Variants in MDM4 observed in about 807,000 individuals in gnomAD.
The protein encoded by MDM4 is protein Mdm4.
A neutral mutation model predicts 60.2 loss-of-function variants in MDM4; 2 were observed. The observed-to-expected ratio is 0.03, with a 90% CI of 0.01 to 0.10. The LOEUF is 0.10. MDM4 is among the 10% of genes least tolerant of loss of function. The pLI is 1.00. For synonymous variants in MDM4, 202 were observed against 198.1 expected (o/e 1.02, Z -0.17); for missense variants, 447 against 577.5 (o/e 0.77, Z 2.32).
intron 5 of MDM4, chr1:204,532,878 T>C: frequency 6.4e-7 from 1 of 1,573,412 alleles, no homozygotes; most frequent in South Asian, 1.2e-5. Flanking sequence ...GGTAAACTGG[T>C]AGTGCTTGAA....
At chr1:204,531,643 AAC>A (rs1289117246) in intron 4 of MDM4, among the ~76,000 whole-genome samples, 1 of 152,062 alleles carries the variant, frequency 6.6e-6, no homozygotes, top group Non-Finnish European at 1.5e-5. Context: ...CAGCCTGGCC[AAC>A]ATAAGTGAAA....
rs56047802 is a variant in MDM4, at chr1:204,551,461, C to CTTT, written c.*1806_*1808dup. 1.5e-3 allele frequency: 139 copies of CTTT among 91,462 alleles called. 10 individuals carry two copies. The highest frequency in any genetic ancestry group is 6.9e-3 in the African/African-American group (95 of 13,806). 5.7% of individuals were successfully genotyped at this position (91,462 alleles called of 1,614,324 possible). ...ATACTGGATGGTTGAGAGGCAGCCT[C>CTTT]TTTTTTTTTTTTTTTTTTTTTTTTT... On this transcript the variant is annotated 3_prime_UTR_variant, in exon 11 of 11. Coordinates refer to ENST00000367182, the MANE Select transcript of MDM4 (RefSeq NM_002393.5).
chr1:204,532,571 C>T, intron 5 of MDM4: 1 of 578,498 alleles, frequency 1.7e-6, no homozygotes, highest in Non-Finnish European at 3.0e-6. Flanking sequence ...ACAAATTTAA[C>T]ATGTAATTCC....
rs1268264657 is a variant in MDM4, at chr1:204,549,759, T to G, written c.*77T>G. ...TGAAAATCAATCCTTTATTTAATTTTATTTCCAACCTGTCAGAGAATGTTC... is the reference window on the plus strand; with the variant it reads ...TGAAAATCAATCCTTTATTTAATTTGATTTCCAACCTGTCAGAGAATGTTC... On this transcript the variant is annotated 3_prime_UTR_variant, in exon 11 of 11. Coordinates refer to ENST00000367182, the MANE Select transcript of MDM4 (RefSeq NM_002393.5). 1.0e-6 allele frequency: 1 copy of G among 955,524 alleles called. No individual in the cohort carries two copies. The highest frequency in any genetic ancestry group is 1.7e-5 in the African/African-American group (1 of 60,182). 59.2% of individuals were successfully genotyped at this position (955,524 alleles called of 1,614,324 possible).
Position 204,530,825 on chromosome 1 carries a change from CAGTG to C in MDM4, c.287+11_287+14del, listed in dbSNP as rs886782700. 9 of 1,614,168 alleles carry C rather than the reference CAGTG, an allele frequency of 5.6e-6. No homozygotes were observed. The highest frequency in any genetic ancestry group is 1.6e-4 in the Middle Eastern group (1 of 6,062). On this transcript the variant is annotated intron_variant, in intron 4 of 10. Coordinates refer to ENST00000367182, the MANE Select transcript of MDM4 (RefSeq NM_002393.5). ...CTCCGTGAAAGACCCAAGGTAAAAA[CAGTG>C]AGGGCTTGCGTATCTTTTTGGGTGC...
At chr1:204,535,331 A>G (rs553608391) in intron 5 of MDM4, among the ~76,000 whole-genome samples, 46 of 150,674 alleles carry the variant, frequency 3.1e-4, no homozygotes, top group Non-Finnish European at 6.5e-4. Flanking sequence ...CTAATTTTTT[A>G]TATTTTTAGT....
intron 5 of MDM4, among the ~76,000 whole-genome samples, chr1:204,534,307 C>T (rs546491884): frequency 4.1e-4 from 63 of 152,184 alleles, no homozygotes; most frequent in African/African-American, 1.5e-3. Context: ...GGCTTTCCTG[C>T]GATAGTCACT....
At position 204,550,148 on chromosome 1, in the gene MDM4, C is replaced by CT. The variant is rs1302495380; in HGVS notation, c.*476dup. 0.012 allele frequency: 2,343 copies of CT among 197,004 alleles called. 4 individuals are homozygous for CT. The highest frequency in any genetic ancestry group is 0.026 in the Middle Eastern group (16 of 622). 12.2% of individuals were successfully genotyped at this position (197,004 alleles called of 1,614,324 possible). On this transcript the variant is annotated 3_prime_UTR_variant, in exon 11 of 11. Transcript: ENST00000367182. ...CACCCTAGTTTTTTTTTTTTTTGCA[C>CT]TTTTTTTTTTCCGGGGGTATAGGGG...
intron 3 of MDM4, among the ~76,000 whole-genome samples, chr1:204,527,705 C>A (rs911762902): frequency 6.9e-6 from 1 of 145,786 alleles, no homozygotes; most frequent in Non-Finnish European, 1.5e-5. Context: ...TAAACACATG[C>A]ATTTAAATAA....
At chr1:204,546,536 A>G (rs1662679585) in intron 9 of MDM4, among the ~76,000 whole-genome samples, 1 of 152,156 alleles carries the variant, frequency 6.6e-6, no homozygotes, top group South Asian at 2.1e-4. Context: ...AGTCATAAAT[A>G]TGGGCATCTT....
At chr1:204,519,448 G>A (rs939221018) in intron 1 of MDM4, among the ~76,000 whole-genome samples, 4 of 152,050 alleles carry the variant, frequency 2.6e-5, no homozygotes, top group Non-Finnish European at 4.4e-5. Flanking sequence ...TGGAGGTTGC[G>A]GTGGACCAGG....
chr1:204,518,488 G>A (rs1659221234), intron 1 of MDM4, among the ~76,000 whole-genome samples: 1 of 152,216 alleles, frequency 6.6e-6, no homozygotes, highest in Non-Finnish European at 1.5e-5. Flanking sequence ...GTAACTTGCA[G>A]TTAGTAGGTA....
At chr1:204,524,098 T>A (rs1659864322) in intron 1 of MDM4, among the ~76,000 whole-genome samples, 2 of 152,066 alleles carry the variant, frequency 1.3e-5, no homozygotes, top group Non-Finnish European at 1.5e-5. Flanking sequence ...AGGGGGTTGT[T>A]TACTGAAACG....
In MDM4 at chr1:204,556,751, C is replaced by T; in HGVS notation, c.*7069C>T. 4.7e-6 allele frequency: 1 copy of T among 214,060 alleles called. No individual in the cohort carries two copies. The highest frequency in any genetic ancestry group is 9.4e-6 in the Non-Finnish European group (1 of 106,030). The allele number at this position is 214,060 out of a possible 1,614,324, so 13.3% of individuals were successfully genotyped here. ...TTATTTTTTTCTCTGTAGTTTGCCT[C>T]ATTTTTTCACTTTCTTTTCAATGAG... On this transcript the variant is annotated 3_prime_UTR_variant, in exon 11 of 11. Transcript: ENST00000367182.
At position 204,537,514 on chromosome 1, in the gene MDM4, G is replaced by A; in HGVS notation, c.411+17G>A. ...CAACTGAAGGTAAAATCACCACACG[G>A]TGACTTCTTTTGTTGTACAGAGTGG... is the stretch of plus-strand genomic sequence containing the variant. On this transcript the variant is annotated intron_variant, in intron 6 of 10. Transcript: ENST00000367182. 6.3e-7 allele frequency: 1 copy of A among 1,596,034 alleles called. No individual in the cohort carries two copies. The highest frequency in any genetic ancestry group is 8.6e-7 in the Non-Finnish European group (1 of 1,163,552).
Position 204,553,768 on chromosome 1 carries a change from A to G in MDM4, c.*4086A>G. Reference sequence around the variant, plus strand: ...ACTCACTCTCCTTCCAGTGTACTTCACAGTAATTGGTATGCTTTTTTATTT... The same window carrying G: ...ACTCACTCTCCTTCCAGTGTACTTCGCAGTAATTGGTATGCTTTTTTATTT... On this transcript the variant is annotated 3_prime_UTR_variant, in exon 11 of 11. Coordinates refer to ENST00000367182, the MANE Select transcript of MDM4 (RefSeq NM_002393.5). The G allele has an allele frequency of 4.5e-6, 1 of 223,570 alleles. No individual in the cohort carries two copies. Among genetic ancestry groups the G allele is most frequent in the Non-Finnish European group, 8.9e-6 (1 of 111,882 alleles). 13.8% of individuals were successfully genotyped at this position (223,570 alleles called of 1,614,324 possible). A position where few individuals can be genotyped will look rare whatever the true frequency, so the allele number is the denominator to read the frequency against.
At chr1:204,537,524 T>C (rs192756840) in intron 6 of MDM4, 27 bp downstream of exon 6, 2 of 1,555,368 alleles carry the variant, frequency 1.3e-6, no homozygotes, top group African/African-American at 1.4e-5. Flanking sequence ...GTGACTTCTT[T>C]TGTTGTACAG....
chr1:204,532,775 G>T, intron 5 of MDM4: 1 of 1,609,892 alleles, frequency 6.2e-7, no homozygotes, highest in South Asian at 1.1e-5. Flanking sequence ...GAAGAAATGG[G>T]TCATTTGTTC....
intron 1 of MDM4, among the ~76,000 whole-genome samples, chr1:204,525,158 A>G (rs983833531): frequency 6.6e-6 from 1 of 152,202 alleles, no homozygotes; most frequent in African/African-American, 2.4e-5. Flanking sequence ...GCTCTACCTG[A>G]TAACCATTGG....
Sources: allele counts gnomAD v4.1 joint callset (sites outside exome capture counted in the v4.1 genomes callset), GRCh38; gene constraint gnomAD v4.1.1; transcripts MANE v1.5; gene names NCBI Gene and HGNC (gene_info 2026-07-23, HGNC 2026-07-21).